Variants in PVR observed in about 807,000 individuals in gnomAD.
The protein encoded by PVR is PVR cell adhesion molecule, also known as poliovirus receptor.
Under a neutral mutation model 43.3 loss-of-function variants are expected in PVR, and 39 were observed. The observed-to-expected ratio is 0.90, with a 90% CI of 0.70 to 1.18. The LOEUF (loss-of-function observed/expected upper bound fraction) is 1.18, where lower values mean the gene tolerates loss of function less well. PVR is among the 50% of genes most tolerant of loss of function. The pLI, the probability that PVR is intolerant of heterozygous loss-of-function variation, is 0.00. For synonymous variants in PVR, 224 were observed against 233.2 expected (o/e 0.96, Z 0.36); for missense variants, 480 against 549.7 (o/e 0.87, Z 1.27).
chr19:44,652,730 G>A (rs915282662), intron 3 of PVR, among the ~76,000 whole-genome samples: 1 of 151,994 alleles, frequency 6.6e-6, no homozygotes, highest in African/African-American at 2.4e-5. Flanking sequence ...GCCCAGGCTG[G>A]TCTCAAACTC....
At chr19:44,645,085 A>T (rs1163164046) in intron 1 of PVR, among the ~76,000 whole-genome samples, 3 of 96,054 alleles carry the variant, frequency 3.1e-5, no homozygotes, top group African/African-American at 1.3e-4. Context: ...ATAATATATA[A>T]TAAAATATAT....
intron 6 of PVR, among the ~76,000 whole-genome samples, chr19:44,660,821 G>A (rs904289112): frequency 6.6e-6 from 1 of 151,938 alleles, no homozygotes; most frequent in Non-Finnish European, 1.5e-5. Context: ...ACCACGCCTG[G>A]CCAAGAGCAG....
intron 3 of PVR, among the ~76,000 whole-genome samples, chr19:44,650,360 T>A (rs1017768307): frequency 3.9e-5 from 6 of 152,126 alleles, no homozygotes. Flanking sequence ...CTGGCTCCTC[T>A]AGCGGCTGTC....
intron 7 of PVR, 33 bp downstream of exon 7, chr19:44,661,356 G>A: frequency 6.2e-7 from 1 of 1,609,616 alleles, no homozygotes; most frequent in Non-Finnish European, 8.5e-7. Context: ...GGAGGGTGTG[G>A]GGTCTGCACG....
Position 44,649,770 on chromosome 19 carries a change from G to A in PVR, c.428-39G>A, listed in dbSNP as rs761055449. 5 of 1,604,042 alleles carry A rather than the reference G, an allele frequency of 3.1e-6. No homozygotes were observed. In the South Asian group the frequency reaches 5.6e-5, roughly 18 times the overall value. ...GAATGCCCCCTTCTGCCACGGAGGG[G>A]TTCATTGAATGACTTGTTGCTTTTG... On this transcript the variant is annotated intron_variant, in intron 2 of 7. Coordinates refer to ENST00000425690, the MANE Select transcript of PVR (RefSeq NM_006505.5).
At chr19:44,656,188 G>A (rs922335350) in intron 4 of PVR, among the ~76,000 whole-genome samples, 6 of 152,080 alleles carry the variant, frequency 3.9e-5, no homozygotes, top group Non-Finnish European at 8.8e-5. Flanking sequence ...GGCAGGGAAG[G>A]GATTCCAACA....
chr19:44,652,897 A>C (rs1973321314), intron 3 of PVR, among the ~76,000 whole-genome samples: 1 of 152,166 alleles, frequency 6.6e-6, no homozygotes, highest in Non-Finnish European at 1.5e-5. Context: ...TTTTAAAATT[A>C]TTCTTGAGAT....
intron 1 of PVR, among the ~76,000 whole-genome samples, chr19:44,645,260 T>C (rs1973074523): frequency 9.6e-6 from 1 of 104,028 alleles, no homozygotes; most frequent in African/African-American, 4.3e-5. Context: ...TATTATATAA[T>C]TGATAATATA....
intron 4 of PVR, among the ~76,000 whole-genome samples, chr19:44,656,280 A>G (rs900700917): frequency 2.0e-5 from 3 of 152,182 alleles, no homozygotes; most frequent in African/African-American, 7.2e-5. Context: ...TGCAAATGCC[A>G]TGGTGGTGTC....
At position 44,652,212 on chromosome 19, in the gene PVR, T is replaced by C. The variant is rs78271625; in HGVS notation, c.725-1688T>C. Among the ~76,000 whole-genome samples the C allele has an allele frequency of 5.9e-5, 9 of 152,248 alleles. No homozygotes were observed. In the East Asian group the frequency reaches 1.7e-3, roughly 29 times the overall value. The stretch of plus-strand genomic sequence containing the variant: ...TTGTTTATTTATTTATCTATTTATT[T>C]ATTTGAGACGGGGTCTTACTCTGTC... On this transcript the variant is annotated intron_variant, in intron 3 of 7. Coordinates refer to ENST00000425690, the MANE Select transcript of PVR (RefSeq NM_006505.5).
chr19:44,661,323 G>A lies in PVR; in HGVS notation c.1182G>A (p.Gly394=), dbSNP rs1250212061. ...STEHASASAN[G]HVSYSAVSRE... ...AGCATGCCAGCGCCTCAGCTAATGG[G>A]GTAAGTGCAGTGTTGGAGCTAAGGA... Residue 394 remains glycine, a splice_region_variant and synonymous_variant, in exon 7 of 8, where the codon GGG becomes GGA. Transcript: ENST00000425690. 6.2e-7 allele frequency: 1 copy of A among 1,613,898 alleles called. No individual in the cohort carries two copies.
In PVR at chr19:44,644,036, G is replaced by T. The variant is rs1284570253; in HGVS notation, c.-61G>T. The T allele has an allele frequency of 2.8e-6, 4 of 1,407,928 alleles. No homozygotes were observed. The highest frequency in any genetic ancestry group is 3.8e-6 in the Non-Finnish European group (4 of 1,056,486). 87.2% of individuals were successfully genotyped at this position (1,407,928 alleles called of 1,614,324 possible). A position where few individuals can be genotyped will look rare whatever the true frequency, so the allele number is the denominator to read the frequency against. On this transcript the variant is annotated 5_prime_UTR_variant, in exon 1 of 8. Coordinates refer to ENST00000425690, the MANE Select transcript of PVR (RefSeq NM_006505.5). ...GGACTCGCAGCGACCGCGGCAGAGC[G>T]AGCGGGCGCCGGGAAGCGAGGAGAC...
In PVR at chr19:44,657,764, C is replaced by T. The variant is rs1973488725; in HGVS notation, c.845C>T (p.Thr282Ile). 1.9e-6 allele frequency: 3 copies of T among 1,613,972 alleles called. No individual in the cohort carries two copies. Among genetic ancestry groups the T allele is most frequent in the Non-Finnish European group, 1.7e-6 (2 of 1,179,988 alleles). The change falls in exon 5 of 8, where the codon ACC becomes ATC. Residue 282 changes from threonine (T) to isoleucine (I), a missense_variant and splice_region_variant. Transcript: ENST00000425690. Reference protein sequence around the residue: ...PEPTGYNWSTTMGPLPPFAVA... With the variant: ...PEPTGYNWSTIMGPLPPFAVA... ...CCTCACCTTTCTGTCTCTCCCAGGACCATGGGTCCCCTGCCACCCTTTGCT... is the reference window on the plus strand; with the variant it reads ...CCTCACCTTTCTGTCTCTCCCAGGATCATGGGTCCCCTGCCACCCTTTGCT...
rs140080540 is a variant in PVR at position 44,659,101 on chromosome 19, C to T, written c.1150+201C>T. ...TATTATTTACAGAGTGGGAGAAGAG[C>T]GTATAGGGTCTTAATGCCATGGTAG... is the stretch of plus-strand genomic sequence containing the variant. On this transcript the variant is annotated intron_variant, in intron 6 of 7. Transcript: ENST00000425690. The T allele has an allele frequency of 1.2e-3, 676 of 541,660 alleles. 6 individuals are homozygous for T. The highest frequency in any genetic ancestry group is 0.011 in the African/African-American group (596 of 52,052). The allele number at this position is 541,660 out of a possible 1,614,324, so 33.6% of individuals were successfully genotyped here. A position where few individuals can be genotyped will look rare whatever the true frequency, so the allele number is the denominator to read the frequency against.
At position 44,653,949 on chromosome 19, in the gene PVR, C is replaced by A; in HGVS notation, c.774C>A (p.Gly258=). The A allele has an allele frequency of 1.2e-6, 2 of 1,614,200 alleles. No homozygotes were observed. Among genetic ancestry groups the A allele is most frequent in the Non-Finnish European group, 1.7e-6 (2 of 1,180,002 alleles). Reference sequence around the variant, plus strand: ...GCTATGATAACAACTGGTACCTTGGCCAGAATGAGGCCACCCTGACCTGCG... The same window carrying A: ...GCTATGATAACAACTGGTACCTTGGACAGAATGAGGCCACCCTGACCTGCG... ...ISGYDNNWYL[G]QNEATLTCDA... The change falls in exon 4 of 8, where the codon GGC becomes GGA. Residue 258 remains glycine, a synonymous_variant. Coordinates refer to ENST00000425690, the MANE Select transcript of PVR (RefSeq NM_006505.5).
At position 44,661,964 on chromosome 19, in the gene PVR, C is replaced by A; in HGVS notation, c.*153C>A. On this transcript the variant is annotated 3_prime_UTR_variant, in exon 8 of 8. Coordinates refer to ENST00000425690, the MANE Select transcript of PVR (RefSeq NM_006505.5). ...AAAACGACGGGGGCAGGTGCAAGTT[C>A]ATAGGTCTCCAAGACCACCCTCCTT... The A allele has an allele frequency of 1.5e-6, 1 of 656,150 alleles. No homozygotes were observed. Among genetic ancestry groups the A allele is most frequent in the Non-Finnish European group, 2.6e-6 (1 of 378,826 alleles). 40.6% of individuals were successfully genotyped at this position (656,150 alleles called of 1,614,324 possible).
chr19:44,644,550 C>T (rs1973023149), intron 1 of PVR, among the ~76,000 whole-genome samples: 1 of 152,092 alleles, frequency 6.6e-6, no homozygotes, highest in African/African-American at 2.4e-5. Flanking sequence ...ACCCAGGTTC[C>T]TGCTCAGCAT....
Position 44,646,497 on chromosome 19 carries a change from G to T in PVR, c.80-726G>T, listed in dbSNP as rs28718535. 7.9e-3 allele frequency among the ~76,000 whole-genome samples: 1,203 copies of T among 152,308 alleles called. 17 individuals carry two copies. The highest frequency in any genetic ancestry group is 0.027 in the African/African-American group (1,134 of 41,570). On this transcript the variant is annotated intron_variant, in intron 1 of 7. Coordinates refer to ENST00000425690, the MANE Select transcript of PVR (RefSeq NM_006505.5). ...AAAAAGTTCTGGGCCAGGTGCGGTG[G>T]CTCATACCTGTAATCCCAGCACTTT...
rs114089140 is a variant in PVR, at chr19:44,660,581, G to A, written c.1151-711G>A. On this transcript the variant is annotated intron_variant, in intron 6 of 7. Transcript: ENST00000425690. The stretch of plus-strand genomic sequence containing the variant: ...GTTGCCCAGACTGGAGTAGTGCAGT[G>A]ATGTGATCTTGGCTCACTGCAGCCT... 5.3e-3 allele frequency among the ~76,000 whole-genome samples: 813 copies of A among 152,220 alleles called. 4 individuals carry two copies. Among genetic ancestry groups the A allele is most frequent in the African/African-American group, 0.019 (777 of 41,526 alleles).
Sources: gnomAD v4.1 joint callset for allele counts (sites outside exome capture counted in the v4.1 genomes callset) on GRCh38, gnomAD v4.1.1 for gene constraint, MANE v1.5 for transcripts, NCBI Gene and HGNC (gene_info 2026-07-23, HGNC 2026-07-21) for gene names.